ALK: variants seen among roughly 807,000 people sequenced by gnomAD.
ALK encodes ALK tyrosine kinase receptor.
A neutral mutation model predicts 163.1 loss-of-function variants in ALK; 74 were observed. The observed-to-expected ratio is 0.45, with a 90% CI of 0.38 to 0.55. The LOEUF is 0.55. Among genes scored for constraint, ALK ranks in the 20% least tolerant of loss-of-function variants. ALK has a pLI of 0.00. For missense variants in ALK, 2,063 were observed against 2,105.3 expected (o/e 0.98, Z 0.39); for synonymous variants, 960 against 843.2 (o/e 1.14, Z -2.40).
intron 5 of ALK, among the ~76,000 whole-genome samples, chr2:29,352,821 C>T (rs1668153561): frequency 6.6e-6 from 1 of 152,192 alleles, no homozygotes; most frequent in Non-Finnish European, 1.5e-5. Context: ...ACTGCCTTTG[C>T]AAAAATCATA....
rs1447132355 is a variant in ALK at position 29,675,139 on chromosome 2, G to A, written c.952+19711C>T. On this transcript the variant is annotated intron_variant, in intron 3 of 28. Transcript: ENST00000389048. ...AAATTACATATACAAACCAAAATGA[G>A]GCTATAATATGCATACTGTTTAACA... Among the ~76,000 whole-genome samples, 3 of 151,798 alleles carry A rather than the reference G, an allele frequency of 2.0e-5. No homozygotes were observed. In the East Asian group the frequency reaches 5.8e-4, roughly 30 times the overall value.
intron 4 of ALK, among the ~76,000 whole-genome samples, chr2:29,489,465 A>G (rs936509366): frequency 6.6e-6 from 1 of 152,016 alleles, no homozygotes; most frequent in Non-Finnish European, 1.5e-5. Context: ...TTGCCCAACT[A>G]AGTTTTAATT....
chr2:29,471,374 T>C (rs1038741567), intron 4 of ALK, among the ~76,000 whole-genome samples: 2 of 152,220 alleles, frequency 1.3e-5, no homozygotes, highest in Non-Finnish European at 2.9e-5. Flanking sequence ...TTAGCATAGA[T>C]GCAAAAGTTC....
chr2:29,631,535 G>C (rs540070618), intron 3 of ALK, among the ~76,000 whole-genome samples: 19 of 152,304 alleles, frequency 1.2e-4, no homozygotes, highest in Non-Finnish European at 2.2e-4. Context: ...ACAGGAGTTG[G>C]AAATCCCAGC....
chr2:29,818,812 G>A (rs979267903), intron 1 of ALK, among the ~76,000 whole-genome samples: 4 of 152,196 alleles, frequency 2.6e-5, no homozygotes, highest in Admixed American at 1.3e-4. Flanking sequence ...TGACACCTAG[G>A]GTCTTGGTTC....
intron 1 of ALK, among the ~76,000 whole-genome samples, chr2:29,858,781 G>A (rs766683172): frequency 1.2e-4 from 18 of 150,750 alleles, no homozygotes; most frequent in Admixed American, 3.3e-4. Context: ...GTTCATGCCT[G>A]TAATCCCAGC....
In ALK at chr2:29,272,640, C is replaced by T. The variant is rs572501227; in HGVS notation, c.2041+2459G>A. On this transcript the variant is annotated intron_variant, in intron 11 of 28. Coordinates refer to ENST00000389048, the MANE Select transcript of ALK (RefSeq NM_004304.5). ...GCCCGGAGGAGAGTTGAAATGCCAC[C>T]AACCACCTCGTTCCAGCCCAGCAGA... Among the ~76,000 whole-genome samples the T allele has an allele frequency of 5.9e-5, 9 of 152,310 alleles. No homozygotes were observed. The South Asian group carries it at 1.7e-3, about 28-fold the overall frequency.
At chr2:29,803,486 G>A (rs183502587) in intron 1 of ALK, among the ~76,000 whole-genome samples, 1 of 152,324 alleles carries the variant, frequency 6.6e-6, no homozygotes, top group Admixed American at 6.5e-5. Flanking sequence ...CACAGTCAAG[G>A]TGTGGAAACT....
At chr2:29,471,195 A>G (rs1181551050) in intron 4 of ALK, among the ~76,000 whole-genome samples, 3 of 152,234 alleles carry the variant, frequency 2.0e-5, no homozygotes, top group Non-Finnish European at 2.9e-5. Flanking sequence ...GGCTTTATCA[A>G]TGAGTTCTTC....
chr2:29,207,727 T>G (rs1217771207), intron 25 of ALK, among the ~76,000 whole-genome samples: 2 of 152,242 alleles, frequency 1.3e-5, no homozygotes, highest in Non-Finnish European at 2.9e-5. Context: ...TAGTTCAGTA[T>G]AGGCAATCAA....
At chr2:29,521,696 G>T (rs1359211034) in intron 4 of ALK, among the ~76,000 whole-genome samples, 1 of 152,198 alleles carries the variant, frequency 6.6e-6, no homozygotes, top group Non-Finnish European at 1.5e-5. Context: ...GGGGAACTGG[G>T]CTACTAAGTG....
chr2:29,196,719 A>T (rs2148141573), intron 28 of ALK, 51 bp downstream of exon 28: 1 of 1,349,680 alleles, frequency 7.4e-7, no homozygotes, highest in Non-Finnish European at 1.1e-6. Context: ...TGCCATCTTT[A>T]AGACTGTTTC....
intron 5 of ALK, among the ~76,000 whole-genome samples, chr2:29,332,822 G>A (rs1667484522): frequency 6.6e-6 from 1 of 152,160 alleles, no homozygotes; most frequent in Non-Finnish European, 1.5e-5. Flanking sequence ...GAATATCTTT[G>A]AGCGTAAACC....
intron 5 of ALK, among the ~76,000 whole-genome samples, chr2:29,353,761 G>C (rs1392977467): frequency 2.0e-5 from 3 of 152,042 alleles, no homozygotes; most frequent in African/African-American, 7.3e-5. Context: ...CTTCCTATTA[G>C]GTTGAACCAG....
intron 5 of ALK, among the ~76,000 whole-genome samples, chr2:29,330,780 C>T (rs944311806): frequency 9.2e-5 from 14 of 151,994 alleles, no homozygotes; most frequent in African/African-American, 2.7e-4. Context: ...TGGAAGCAAG[C>T]GTTTGGAGTA....
intron 4 of ALK, among the ~76,000 whole-genome samples, chr2:29,513,348 A>G (rs1319768143): frequency 6.9e-6 from 1 of 145,286 alleles, no homozygotes; most frequent in Non-Finnish European, 1.5e-5. Flanking sequence ...AATGCCGCAT[A>G]TCTACAACTA....
At position 29,319,026 on chromosome 2, in the gene ALK, C is replaced by T. The variant is rs530110273; in HGVS notation, c.1547-622G>A. ...CCTCCCCATTTTCAGTCATGCGTGG[C>T]CTTCCAGTGGTTTCTGTGACCTTCA... On this transcript the variant is annotated intron_variant, in intron 7 of 28. Transcript: ENST00000389048. 2.6e-5 allele frequency: 4 copies of T among 155,210 alleles called. No individual in the cohort carries two copies. The South Asian group carries it at 8.0e-4, about 31-fold the overall frequency. 9.6% of individuals were successfully genotyped at this position (155,210 alleles called of 1,614,324 possible). A position where few individuals can be genotyped will look rare whatever the true frequency, so the allele number is the denominator to read the frequency against.
intron 4 of ALK, among the ~76,000 whole-genome samples, chr2:29,454,240 G>A (rs1670893359): frequency 6.6e-6 from 1 of 152,118 alleles, no homozygotes; most frequent in South Asian, 2.1e-4. Context: ...ATTTCTGGGG[G>A]ATTGGTTCCA....
intron 1 of ALK, among the ~76,000 whole-genome samples, chr2:29,735,822 GTAAATT>G (rs1298812777): frequency 6.6e-6 from 1 of 151,978 alleles, no homozygotes; most frequent in Non-Finnish European, 1.5e-5. Flanking sequence ...TGCCACAATT[GTAAATT>G]TCCCGAGCCC....
Sources: allele counts gnomAD v4.1 joint callset (sites outside exome capture counted in the v4.1 genomes callset), GRCh38; gene constraint gnomAD v4.1.1; transcripts MANE v1.5; gene names NCBI Gene and HGNC (gene_info 2026-07-23, HGNC 2026-07-21).